The following GRM5 variants were observed in gnomAD, a reference collection of about 807,000 sequenced individuals.
The protein encoded by GRM5 is metabotropic glutamate receptor 5.
A neutral mutation model predicts 83.1 loss-of-function variants in GRM5; 19 were observed. The ratio of observed to expected loss-of-function variants is 0.23; its 90% confidence interval spans 0.16 to 0.34. GRM5 has a LOEUF of 0.34. Among genes scored for constraint, GRM5 ranks in the 10% least tolerant of loss-of-function variants. The probability of loss-of-function intolerance (pLI) is 1.00; values close to 1 mark genes in which losing one functional copy is unlikely to be tolerated. For missense variants in GRM5, 1,160 were observed against 1,588.3 expected, an observed-to-expected ratio of 0.73 and a Z score of 4.58; for synonymous variants, 675 against 633.6, an observed-to-expected ratio of 1.07 and a Z score of -0.98.
At chr11:88,689,906 AT>A (rs148611004) in intron 3 of GRM5, among the ~76,000 whole-genome samples, 10,308 of 150,170 alleles carry the variant, frequency 0.069, 344 homozygotes, top group African/African-American at 0.1. Context: ...TTAAAAGAAC[AT>A]TTTTTTTTTG....
chr11:88,612,382 G>A (rs1309350645), intron 4 of GRM5, among the ~76,000 whole-genome samples: 5 of 150,788 alleles, frequency 3.3e-5, no homozygotes, highest in Admixed American at 6.6e-5. Context: ...GGACATTTGG[G>A]TTGGTTCCAA....
At chr11:88,658,934 G>A (rs190693605) in intron 3 of GRM5, among the ~76,000 whole-genome samples, 1 of 152,142 alleles carries the variant, frequency 6.6e-6, no homozygotes, top group Admixed American at 6.6e-5. Context: ...TTTTAAAGTG[G>A]GAAATGATAC....
At chr11:88,580,565 T>C (rs1943198188) in intron 7 of GRM5, among the ~76,000 whole-genome samples, 1 of 152,190 alleles carries the variant, frequency 6.6e-6, no homozygotes, top group Non-Finnish European at 1.5e-5. Flanking sequence ...TAGAAACCTT[T>C]TTTATCAGGG....
chr11:88,509,545 C>T, intron 9 of GRM5, 41 bp from the exon 10 acceptor site: 1 of 1,510,760 alleles, frequency 6.6e-7, no homozygotes, highest in Non-Finnish European at 9.1e-7. Flanking sequence ...CAGCGAGGTG[C>T]CCAGGGGGCT....
intron 9 of GRM5, among the ~76,000 whole-genome samples, chr11:88,517,592 TGGGA>T (rs1941557431): frequency 1.3e-5 from 2 of 152,288 alleles, no homozygotes; most frequent in South Asian, 4.1e-4. Flanking sequence ...TTATACATAA[TGGGA>T]ATATGCCAAT....
intron 7 of GRM5, among the ~76,000 whole-genome samples, chr11:88,584,421 CTTTCTTTTCT>C (rs910104933): frequency 1.4e-4 from 22 of 151,726 alleles, no homozygotes; most frequent in East Asian, 7.8e-4. Context: ...ATTGCATTTT[CTTTCTTTTCT>C]TTTCTTTTCT....
intron 3 of GRM5, among the ~76,000 whole-genome samples, chr11:88,822,807 C>T (rs1012099518): frequency 1.3e-5 from 2 of 151,832 alleles, no homozygotes; most frequent in Non-Finnish European, 2.9e-5. Flanking sequence ...CTCCCTTCCT[C>T]CTTCTCTCCC....
At chr11:89,058,415 A>C (rs937968924) in intron 1 of GRM5, among the ~76,000 whole-genome samples, 1 of 152,184 alleles carries the variant, frequency 6.6e-6, no homozygotes, top group Non-Finnish European at 1.5e-5. Context: ...ACGTCCTCAG[A>C]TATTAGCAAA....
At chr11:88,986,098 T>G (rs1363600954) in intron 2 of GRM5, among the ~76,000 whole-genome samples, 1 of 152,192 alleles carries the variant, frequency 6.6e-6, no homozygotes, top group African/African-American at 2.4e-5. Context: ...TTATTACAGA[T>G]ATCCTTAAAT....
At chr11:88,602,957 G>T (rs1421111561) in intron 5 of GRM5, among the ~76,000 whole-genome samples, 1 of 152,132 alleles carries the variant, frequency 6.6e-6, no homozygotes, top group Non-Finnish European at 1.5e-5. Context: ...TCCTGAGTCT[G>T]CTTCATGCCC....
intron 3 of GRM5, among the ~76,000 whole-genome samples, chr11:88,674,792 C>T (rs966641625): frequency 2.0e-5 from 3 of 151,772 alleles, no homozygotes; most frequent in Admixed American, 2.0e-4. Flanking sequence ...TGCTACTGTT[C>T]TCCCTTTGCT....
At chr11:88,659,520 A>T (rs1352729429) in intron 3 of GRM5, among the ~76,000 whole-genome samples, 1 of 152,188 alleles carries the variant, frequency 6.6e-6, no homozygotes, top group Non-Finnish European at 1.5e-5. Context: ...AAAAATGGTA[A>T]TTATACATCT....
chr11:88,994,641 T>G (rs919088443), intron 2 of GRM5, among the ~76,000 whole-genome samples: 62 of 150,152 alleles, frequency 4.1e-4, no homozygotes, highest in African/African-American at 1.3e-3. Context: ...TAAAACACTT[T>G]GTTGGTGTTC....
intron 2 of GRM5, among the ~76,000 whole-genome samples, chr11:88,872,592 C>CAAAT (rs1223421442): frequency 6.6e-6 from 1 of 151,280 alleles, no homozygotes; most frequent in Non-Finnish European, 1.5e-5. Flanking sequence ...ATATTTCACA[C>CAAAT]AAATAGAAAC....
intron 3 of GRM5, among the ~76,000 whole-genome samples, chr11:88,848,900 A>G (rs1253107074): frequency 6.6e-6 from 1 of 152,222 alleles, no homozygotes; most frequent in African/African-American, 2.4e-5. Context: ...GAATAGTATT[A>G]AAAGGCTAAG....
At chr11:88,783,776 A>T (rs371105171) in intron 3 of GRM5, among the ~76,000 whole-genome samples, 2 of 152,060 alleles carry the variant, frequency 1.3e-5, no homozygotes, top group African/African-American at 4.8e-5. Flanking sequence ...GCACTTAGAA[A>T]ACATCTTAGC....
At chr11:88,919,264 A>ATATATATATATAT (rs1945649551) in intron 2 of GRM5, among the ~76,000 whole-genome samples, 3 of 106,402 alleles carry the variant, frequency 2.8e-5, no homozygotes, top group Non-Finnish European at 4.3e-5. Flanking sequence ...ATATCGGATA[A>ATATATATATATAT]AATAGATTTT....
intron 3 of GRM5, among the ~76,000 whole-genome samples, chr11:88,731,025 CAT>C (rs879392715): frequency 5.9e-5 from 9 of 151,904 alleles, no homozygotes; most frequent in Admixed American, 5.3e-4. Context: ...AATAAAAAAA[CAT>C]AAATATTACC....
chr11:88,640,856 G>A (rs183157683), intron 4 of GRM5, among the ~76,000 whole-genome samples: 2 of 152,234 alleles, frequency 1.3e-5, no homozygotes, highest in East Asian at 1.9e-4. Flanking sequence ...TTCAGCTATT[G>A]GGAGGCTATC....
Sources: gnomAD v4.1 joint callset for allele counts (sites outside exome capture counted in the v4.1 genomes callset) on GRCh38, gnomAD v4.1.1 for gene constraint, MANE v1.5 for transcripts, NCBI Gene and HGNC (gene_info 2026-07-23, HGNC 2026-07-21) for gene names.